Variants in SNX29 observed in about 807,000 individuals in gnomAD.
SNX29 encodes sorting nexin-29.
In SNX29, 78 loss-of-function variants were observed where a neutral mutation model predicts 102.1. That is an observed-to-expected ratio of 0.76 (90% CI 0.64 to 0.92). The LOEUF is 0.92. SNX29 is among the 40% of genes least tolerant of loss of function. The pLI, the probability that SNX29 is intolerant of heterozygous loss-of-function variation, is 0.00. For synonymous variants in SNX29, 580 were observed against 414.5 expected, an observed-to-expected ratio of 1.40 and a Z score of -4.85; for missense variants, 1,280 against 1,061.7, an observed-to-expected ratio of 1.21 and a Z score of -2.86.
intron 1 of SNX29, among the ~76,000 whole-genome samples, chr16:11,988,088 G>GT (rs1391888871): frequency 6.6e-6 from 1 of 152,146 alleles, no homozygotes; most frequent in Non-Finnish European, 1.5e-5. Context: ...GAGGTCAGGA[G>GT]TTTGAGACCA....
chr16:11,989,208 A>G (rs992672270), intron 1 of SNX29, among the ~76,000 whole-genome samples: 1 of 152,072 alleles, frequency 6.6e-6, no homozygotes, highest in Non-Finnish European at 1.5e-5. Context: ...CCTGACCTCA[A>G]GTGATCTGCC....
intron 9 of SNX29, among the ~76,000 whole-genome samples, chr16:12,067,965 G>C (rs978069107): frequency 2.0e-5 from 3 of 151,988 alleles, no homozygotes; most frequent in African/African-American, 7.3e-5. Context: ...CAGCTCTTGT[G>C]AATGCCTTTC....
chr16:12,534,425 C>T (rs1249471825), intron 20 of SNX29, among the ~76,000 whole-genome samples: 6 of 152,198 alleles, frequency 3.9e-5, no homozygotes, highest in Non-Finnish European at 8.8e-5. Flanking sequence ...CCAGCGGCTG[C>T]ACTCGGTTGC....
chr16:12,178,345 G>C (rs965479646), intron 13 of SNX29, among the ~76,000 whole-genome samples: 1 of 152,162 alleles, frequency 6.6e-6, no homozygotes, highest in African/African-American at 2.4e-5. Flanking sequence ...TAAACTGTTA[G>C]CAGCCAGAAG....
chr16:12,478,021 C>T (rs1367715945), intron 19 of SNX29, among the ~76,000 whole-genome samples, 162 bp downstream of exon 19: 1 of 152,196 alleles, frequency 6.6e-6, no homozygotes, highest in Non-Finnish European at 1.5e-5. Flanking sequence ...ATAATTCCAC[C>T]ACCTAAAGAT....
intron 19 of SNX29, among the ~76,000 whole-genome samples, chr16:12,511,455 G>C (rs2089615313): frequency 6.6e-6 from 1 of 152,182 alleles, no homozygotes; most frequent in East Asian, 1.9e-4. Context: ...CATCGTGCTT[G>C]GCATGTAGGA....
intron 16 of SNX29, among the ~76,000 whole-genome samples, chr16:12,379,158 T>G (rs2082985631): frequency 6.6e-6 from 1 of 152,236 alleles, no homozygotes; most frequent in African/African-American, 2.4e-5. Flanking sequence ...AACTTATTTA[T>G]TTTTGAGACA....
intron 16 of SNX29, among the ~76,000 whole-genome samples, chr16:12,369,859 C>G (rs1367513649): frequency 1.3e-5 from 2 of 152,150 alleles, no homozygotes; most frequent in Non-Finnish European, 2.9e-5. Context: ...TTAGTCACAC[C>G]TTCCGCACAA....
intron 13 of SNX29, among the ~76,000 whole-genome samples, chr16:12,130,151 C>G (rs2054396660): frequency 6.7e-6 from 1 of 149,486 alleles, no homozygotes. Context: ...AAAAAAAAAC[C>G]TGAGCACACG....
At chr16:12,526,882 T>G in intron 20 of SNX29, 1 of 396,684 alleles carries the variant, frequency 2.5e-6, no homozygotes, top group East Asian at 4.3e-5. Context: ...AGCCTGTCGG[T>G]GTGACATGAA....
At chr16:12,375,536 G>A (rs1183756754) in intron 16 of SNX29, 1 of 152,194 alleles carries the variant, frequency 6.6e-6, no homozygotes, top group Non-Finnish European at 1.5e-5. Context: ...GGAAGGATCT[G>A]CGTCCAAGCT....
intron 13 of SNX29, among the ~76,000 whole-genome samples, chr16:12,185,682 G>A (rs940015658): frequency 1.3e-5 from 2 of 152,210 alleles, no homozygotes; most frequent in African/African-American, 4.8e-5. Context: ...TCAAGAGGCC[G>A]AGATTTGTTG....
chr16:12,426,303 C>T (rs2085077109), intron 18 of SNX29, among the ~76,000 whole-genome samples: 1 of 152,178 alleles, frequency 6.6e-6, no homozygotes. Context: ...GAAGAAGCAA[C>T]AGCCTTTAGC....
In SNX29 at chr16:12,085,948, A is replaced by G. The variant is rs201519606; in HGVS notation, c.1402+7033A>G. On this transcript the variant is annotated intron_variant, in intron 11 of 20. Coordinates refer to ENST00000566228, the MANE Select transcript of SNX29 (RefSeq NM_032167.5). Reference sequence around the variant, plus strand: ...GCCAGACATGGTGTCTAGCTATAGTAAGTGGTGAATCTGTGAGAGACCCAG... The same window carrying G: ...GCCAGACATGGTGTCTAGCTATAGTGAGTGGTGAATCTGTGAGAGACCCAG... 3.3e-5 allele frequency among the ~76,000 whole-genome samples: 5 copies of G among 152,082 alleles called. No homozygotes were observed. In the East Asian group the frequency reaches 9.7e-4, roughly 29 times the overall value.
At chr16:12,544,279 C>G (rs754889602) in intron 20 of SNX29, among the ~76,000 whole-genome samples, 20 of 152,176 alleles carry the variant, frequency 1.3e-4, no homozygotes, top group Non-Finnish European at 2.6e-4. Flanking sequence ...ACTTTACACT[C>G]TCAGTACGGC....
At chr16:12,417,741 G>C (rs2084700738) in intron 18 of SNX29, among the ~76,000 whole-genome samples, 1 of 149,960 alleles carries the variant, frequency 6.7e-6, no homozygotes. Flanking sequence ...CCCACTTCTT[G>C]TCTCCTCACC....
intron 14 of SNX29, among the ~76,000 whole-genome samples, chr16:12,245,410 A>G (rs891966559): frequency 1.3e-5 from 2 of 151,790 alleles, no homozygotes; most frequent in African/African-American, 2.4e-5. Context: ...CATTTTTGAC[A>G]AACATGTCAA....
rs1413718922 is a variant in SNX29, at chr16:12,542,985, CT to C, written c.2318+18145del. Reference sequence around the variant, plus strand: ...AAAGAAGTACTTACTACTCCTGTAACTATGAAGTCCAGGGACTTGGCTAGCT... The same window carrying C: ...AAAGAAGTACTTACTACTCCTGTAACATGAAGTCCAGGGACTTGGCTAGCT... On this transcript the variant is annotated intron_variant, in intron 20 of 20. Transcript: ENST00000566228. Among the ~76,000 whole-genome samples the C allele has an allele frequency of 5.9e-4, 90 of 152,222 alleles. 1 individual carries two copies. Among genetic ancestry groups the C allele is most frequent in the African/African-American group, 2.0e-3 (83 of 41,538 alleles).
intron 19 of SNX29, among the ~76,000 whole-genome samples, chr16:12,508,905 C>CTAT (rs1200383261): frequency 4.6e-5 from 7 of 152,206 alleles, no homozygotes; most frequent in Non-Finnish European, 7.3e-5. Context: ...AGTCCCTACA[C>CTAT]TGTGGGGTCC....
Sources: gnomAD v4.1 joint callset for allele counts (sites outside exome capture counted in the v4.1 genomes callset) on GRCh38, gnomAD v4.1.1 for gene constraint, MANE v1.5 for transcripts, NCBI Gene and HGNC (gene_info 2026-07-23, HGNC 2026-07-21) for gene names.